The following CDC42BPB variants were observed in gnomAD, a reference collection of about 807,000 sequenced individuals.
The protein encoded by CDC42BPB is CDC42 binding protein kinase beta, also known as serine/threonine-protein kinase MRCK beta.
Under a neutral mutation model 214.9 loss-of-function variants are expected in CDC42BPB, and 37 were observed. The observed-to-expected ratio is 0.17, with a 90% CI of 0.13 to 0.23. The LOEUF (loss-of-function observed/expected upper bound fraction) is 0.23. CDC42BPB is among the 10% of genes least tolerant of loss of function. CDC42BPB has a pLI of 1.00. For missense variants in CDC42BPB, 1,694 were observed against 2,227.0 expected (o/e 0.76, Z 4.82); for synonymous variants, 931 against 884.0 (o/e 1.05, Z -0.94).
chr14:102,974,850 A>G (rs1210449157), intron 11 of CDC42BPB, among the ~76,000 whole-genome samples: 2 of 152,114 alleles, frequency 1.3e-5, no homozygotes, highest in East Asian at 1.9e-4. Context: ...GGAGGCTGAG[A>G]CAGGAGAATG....
chr14:102,944,281 A>G lies in CDC42BPB; in HGVS notation c.4018T>C (p.Ser1340Pro), dbSNP rs1393359065. The change falls in exon 30 of 37, where the codon TCT (serine) becomes CCT (proline). Residue 1340 changes from serine (S) to proline (P), a missense_variant. Physicochemically the swap from Ser to Pro is moderately conservative, Grantham distance 74. Transcript: ENST00000361246. The surrounding 1 kb of genome is among the most constrained non-coding windows in gnomAD (Gnocchi z 6.6). ...LMATATLKRN[S>P]GTCLFVAVKR... is the part of the protein sequence containing the mutation. ...ACGGCCACAAACAGGCAGGTGCCAGAGTTCCTCTTGAGTGTGGCCGTGGCC... is the reference window on the plus strand; with the variant it reads ...ACGGCCACAAACAGGCAGGTGCCAGGGTTCCTCTTGAGTGTGGCCGTGGCC... 1.9e-6 allele frequency: 3 copies of G among 1,613,164 alleles called. No homozygotes were observed. The highest frequency in any genetic ancestry group is 1.7e-5 in the Admixed American group (1 of 60,020).
At chr14:103,053,704 G>A (rs1444695123) in intron 1 of CDC42BPB, among the ~76,000 whole-genome samples, 1 of 150,702 alleles carries the variant, frequency 6.6e-6, no homozygotes, top group Non-Finnish European at 1.5e-5. Flanking sequence ...AGAGCTTGCA[G>A]TGAGCCGAGA....
At chr14:102,949,550 C>A (rs1892383225) in intron 26 of CDC42BPB, among the ~76,000 whole-genome samples, 1 of 152,158 alleles carries the variant, frequency 6.6e-6, no homozygotes, top group Non-Finnish European at 1.5e-5. Context: ...TACAGCGCTC[C>A]CGTTCCTGCG....
chr14:103,011,966 A>G, intron 2 of CDC42BPB, 131 bp downstream of exon 2: 1 of 692,166 alleles, frequency 1.4e-6, no homozygotes, highest in Non-Finnish European at 2.6e-6. Flanking sequence ...AGAGAGAGGA[A>G]AAAACAAACT....
Position 102,961,600 on chromosome 14 carries a change from C to T in CDC42BPB, c.2821+1461G>A, listed in dbSNP as rs948209400. Among the ~76,000 whole-genome samples, 12 of 151,644 alleles carry T rather than the reference C, an allele frequency of 7.9e-5. No individual in the cohort carries two copies. The East Asian group carries it at 1.2e-3, about 15-fold the overall frequency. ...AAGCTGGAGTGCAATGGTGCAATCT[C>T]GGCTCACCGCAACCTCTGCCTCCCG... On this transcript the variant is annotated intron_variant, in intron 20 of 36. Coordinates refer to ENST00000361246, the MANE Select transcript of CDC42BPB (RefSeq NM_006035.4).
intron 7 of CDC42BPB, among the ~76,000 whole-genome samples, chr14:102,982,704 T>C (rs901083918): frequency 1.4e-4 from 21 of 151,914 alleles, no homozygotes; most frequent in South Asian, 4.2e-4. Context: ...CTGGGAGGCA[T>C]AGCTGAGATT....
At chr14:102,992,964 G>A (rs1440142046) in intron 5 of CDC42BPB, among the ~76,000 whole-genome samples, 1 of 151,906 alleles carries the variant, frequency 6.6e-6, no homozygotes, top group African/African-American at 2.4e-5. Context: ...AAGTAGCCGG[G>A]ATTACAGGCG....
rs370691698 is a variant in CDC42BPB, at chr14:102,949,737, G to T, written c.3449+28C>A. ...AAGATAGCTGAGGAAGATTCACAGAGCAAGGACAGTGCTGCCCAAACGCAG... is the reference window on the plus strand; with the variant it reads ...AAGATAGCTGAGGAAGATTCACAGATCAAGGACAGTGCTGCCCAAACGCAG... On this transcript the variant is annotated intron_variant, in intron 26 of 36. Coordinates refer to ENST00000361246, the MANE Select transcript of CDC42BPB (RefSeq NM_006035.4). 1.9e-6 allele frequency: 3 copies of T among 1,612,824 alleles called. No individual in the cohort carries two copies. The South Asian group carries it at 3.3e-5, about 18-fold the overall frequency.
intron 1 of CDC42BPB, among the ~76,000 whole-genome samples, chr14:103,021,257 G>C (rs536380856): frequency 6.6e-6 from 1 of 152,164 alleles, no homozygotes; most frequent in Non-Finnish European, 1.5e-5. Context: ...TCAGGAGATC[G>C]AGACCATCCT....
intron 14 of CDC42BPB, among the ~76,000 whole-genome samples, chr14:102,969,189 G>C (rs1326083744): frequency 2.0e-5 from 3 of 152,354 alleles, no homozygotes; most frequent in Non-Finnish European, 4.4e-5. Context: ...ATTAAGTGAG[G>C]TGTCAGGCTA....
rs540528560 is a variant in CDC42BPB, at chr14:102,996,339, CAAAA to C, written c.596+3222_596+3225del. On this transcript the variant is annotated intron_variant, in intron 5 of 36. Coordinates refer to ENST00000361246, the MANE Select transcript of CDC42BPB (RefSeq NM_006035.4). Reference sequence around the variant, plus strand: ...TGGGTGACAGAGCAAGACTCCGTCTCAAAAAAGAAAAGAGAGAGAGAATGAGGAG... The same window carrying C: ...TGGGTGACAGAGCAAGACTCCGTCTCAAGAAAAGAGAGAGAGAATGAGGAG... Among the ~76,000 whole-genome samples, 330 of 151,824 alleles carry C rather than the reference CAAAA, an allele frequency of 2.2e-3. 3 individuals carry two copies. The highest frequency in any genetic ancestry group is 4.0e-3 in the Non-Finnish European group (271 of 67,974).
At chr14:102,998,370 T>G (rs1314036237) in intron 5 of CDC42BPB, among the ~76,000 whole-genome samples, 1 of 152,218 alleles carries the variant, frequency 6.6e-6, no homozygotes, top group East Asian at 1.9e-4. Flanking sequence ...TTACAATAGT[T>G]ACCTGACCAA....
At chr14:102,935,984 C>T (rs1891632415) in intron 36 of CDC42BPB, among the ~76,000 whole-genome samples, 1 of 151,896 alleles carries the variant, frequency 6.6e-6, no homozygotes, top group Non-Finnish European at 1.5e-5. Flanking sequence ...ACGGAAATGG[C>T]CAACAAGCAT....
chr14:103,049,962 C>T (rs578229095), intron 1 of CDC42BPB, among the ~76,000 whole-genome samples: 171 of 152,284 alleles, frequency 1.1e-3, no homozygotes, highest in African/African-American at 3.9e-3. Flanking sequence ...CCACCCGTCT[C>T]GGCCTCCCAA....
At position 102,954,320 on chromosome 14, in the gene CDC42BPB, G is replaced by A. The variant is rs747918292; in HGVS notation, c.2989-45C>T. The A allele has an allele frequency of 2.1e-6, 3 of 1,452,070 alleles. No individual in the cohort carries two copies. The South Asian group carries it at 4.1e-5, about 20-fold the overall frequency. The allele number at this position is 1,452,070 out of a possible 1,614,324, so 89.9% of individuals were successfully genotyped here. On this transcript the variant is annotated intron_variant, in intron 22 of 36. Coordinates refer to ENST00000361246, the MANE Select transcript of CDC42BPB (RefSeq NM_006035.4). Reference sequence around the variant, plus strand: ...GGTGAGTGTCGGCCCAGCTCAGCATGGCTGAGACACCTGGCCCTACGGGGT... The same window carrying A: ...GGTGAGTGTCGGCCCAGCTCAGCATAGCTGAGACACCTGGCCCTACGGGGT...
At chr14:102,950,953 G>A (rs532737539) in intron 24 of CDC42BPB, among the ~76,000 whole-genome samples, 1 of 152,048 alleles carries the variant, frequency 6.6e-6, no homozygotes, top group Non-Finnish European at 1.5e-5. Flanking sequence ...GCCACAGAGC[G>A]AGACTCCATC....
At chr14:102,953,049 A>C (rs754999123) in intron 23 of CDC42BPB, among the ~76,000 whole-genome samples, 1 of 152,234 alleles carries the variant, frequency 6.6e-6, no homozygotes, top group Admixed American at 6.5e-5. Context: ...TCATAACAGC[A>C]AACGCCTGGA....
intron 30 of CDC42BPB, chr14:102,941,244 T>C (rs1205068229): frequency 1.0e-6 from 1 of 985,440 alleles, no homozygotes; most frequent in East Asian, 1.1e-4. Context: ...GCAAGAGAGC[T>C]CCAGCTCAGT....
At chr14:102,983,832 T>C (rs1036478832) in intron 6 of CDC42BPB, 76 bp from the exon 7 acceptor site, 109 of 1,515,998 alleles carry the variant, frequency 7.2e-5, no homozygotes, top group Non-Finnish European at 9.4e-5. Context: ...TTCTCTAAAA[T>C]ATAGCGGAGG....
Sources: allele counts gnomAD v4.1 joint callset (sites outside exome capture counted in the v4.1 genomes callset), GRCh38; gene constraint gnomAD v4.1.1; non-coding constraint Gnocchi (gnomAD v3.1); transcripts MANE v1.5; gene names NCBI Gene and HGNC (gene_info 2026-07-23, HGNC 2026-07-21).